The following UNC13D variants were observed in gnomAD, a reference collection of about 807,000 sequenced individuals.
The protein encoded by UNC13D is unc-13 homolog D, also known as protein unc-13 homolog D.
In UNC13D, 115 loss-of-function variants were observed where a neutral mutation model predicts 151.7. That is an observed-to-expected ratio of 0.76 (90% CI 0.65 to 0.88). The LOEUF (loss-of-function observed/expected upper bound fraction) is 0.88. Among genes scored for constraint, UNC13D ranks in the 40% least tolerant of loss-of-function variants. The pLI, the probability that UNC13D is intolerant of heterozygous loss-of-function variation, is 0.00. For synonymous variants in UNC13D, 588 were observed against 612.2 expected (o/e 0.96, Z 0.58); for missense variants, 1,369 against 1,438.7 (o/e 0.95, Z 0.78).
At position 75,840,489 on chromosome 17, in the gene UNC13D, T is replaced by G; in HGVS notation, c.753+18A>C. ...TCCCTCTGCCTCGCTCCTGGGCCCCTTTCCTCATCCTCCTCACCTGCAGCC... is the reference window on the plus strand; with the variant it reads ...TCCCTCTGCCTCGCTCCTGGGCCCCGTTCCTCATCCTCCTCACCTGCAGCC... On this transcript the variant is annotated intron_variant, in intron 9 of 31. Coordinates refer to ENST00000207549, the MANE Select transcript of UNC13D (RefSeq NM_199242.3). This position sits in a 1 kb window ranked among gnomAD's most constrained non-coding sequence, Gnocchi z 4.6. The G allele has an allele frequency of 6.3e-7, 1 of 1,593,818 alleles. No homozygotes were observed.
intron 1 of UNC13D, chr17:75,843,852 G>A (rs992148334): frequency 2.9e-6 from 4 of 1,373,578 alleles, no homozygotes; most frequent in Non-Finnish European, 3.8e-6. Flanking sequence ...CAGCGGAGGT[G>A]AGGGGGGTGC....
Position 75,833,209 on chromosome 17 carries a change from C to T in UNC13D, c.2368-164G>A, listed in dbSNP as rs952624599. ...CCTGCCCACCTCTCTGCCTTCCCCTCTCCGTTGCTCAGCCTGTCCCAGCCA... is the reference window on the plus strand; with the variant it reads ...CCTGCCCACCTCTCTGCCTTCCCCTTTCCGTTGCTCAGCCTGTCCCAGCCA... On this transcript the variant is annotated intron_variant, in intron 24 of 31. Transcript: ENST00000207549. The surrounding 1 kb of genome is among the most constrained non-coding windows in gnomAD (Gnocchi z 4.0). 4.7e-6 allele frequency: 3 copies of T among 636,302 alleles called. No homozygotes were observed. In the African/African-American group the frequency reaches 5.4e-5, roughly 11 times the overall value. The allele number at this position is 636,302 out of a possible 1,614,324, so 39.4% of individuals were successfully genotyped here.
Position 75,827,354 on chromosome 17 carries a change from G to C in UNC13D, c.*611C>G. The C allele has an allele frequency of 1.7e-6, 2 of 1,190,448 alleles. No homozygotes were observed. The highest frequency in any genetic ancestry group is 2.7e-5 in the East Asian group (1 of 36,858). 73.7% of individuals were successfully genotyped at this position (1,190,448 alleles called of 1,614,324 possible). On this transcript the variant is annotated 3_prime_UTR_variant, in exon 32 of 32. Transcript: ENST00000207549. ...CAAACTGTCCTTTCTGCTTCCGTCT[G>C]TCTGTGCCAGCCCTGCCGCCTGCCA... is the stretch of plus-strand genomic sequence containing the variant.
At position 75,840,424 on chromosome 17, in the gene UNC13D, G is replaced by A; in HGVS notation, c.753+83C>T. 1 of 1,608,640 alleles carries A rather than the reference G, an allele frequency of 6.2e-7. No homozygotes were observed. The highest frequency in any genetic ancestry group is 8.5e-7 in the Non-Finnish European group (1 of 1,175,672). On this transcript the variant is annotated intron_variant, in intron 9 of 31. Coordinates refer to ENST00000207549, the MANE Select transcript of UNC13D (RefSeq NM_199242.3). The surrounding 1 kb of genome is among the most constrained non-coding windows in gnomAD (Gnocchi z 4.6). ...AGGTGGACCCCAGGCTCAGCTTTGT[G>A]AGGACACAGAGCCTCTCCCCAGAAC...
Position 75,834,106 on chromosome 17 carries a change from A to G in UNC13D, c.2336T>C (p.Val779Ala). ...VGIAKHIQKL[V>A]GVRESVLPED... ...AGGCAGGACAGACTCCCTGACGCCC[A>G]CCAGTTTCTGGATGTGCTTGGCGAT... The change falls in exon 24 of 32, where the codon GTG becomes GCG. Residue 779 changes from valine (V) to alanine (A), a missense_variant. Val to Ala is a moderately conservative substitution (Grantham distance 64). Around this residue, in one of 3 missense-constraint regions of UNC13D, gnomAD observed 807 missense variants for 795.5 expected, o/e 1.01. Transcript: ENST00000207549. 1 of 1,613,786 alleles carries G rather than the reference A, an allele frequency of 6.2e-7. No individual in the cohort carries two copies. The highest frequency in any genetic ancestry group is 1.7e-5 in the Admixed American group (1 of 60,022).
At position 75,834,540 on chromosome 17, in the gene UNC13D, G is replaced by A. The variant is rs1471072700; in HGVS notation, c.2092-9C>T. On this transcript the variant is annotated splice_polypyrimidine_tract_variant and intron_variant, in intron 22 of 31. Transcript: ENST00000207549. The stretch of plus-strand genomic sequence containing the variant: ...TTCACCACCACACACAGCTGGGACA[G>A]AGATGCAGAGCTTCCTGAACTGTGC... 1.2e-6 allele frequency: 2 copies of A among 1,601,218 alleles called. No individual in the cohort carries two copies. The highest frequency in any genetic ancestry group is 2.7e-5 in the African/African-American group (2 of 74,778).
At position 75,840,904 on chromosome 17, in the gene UNC13D, C is replaced by T. The variant is rs2064943895; in HGVS notation, c.614+53G>A. On this transcript the variant is annotated intron_variant, in intron 7 of 31. Transcript: ENST00000207549. This position sits in a 1 kb window ranked among gnomAD's most constrained non-coding sequence, Gnocchi z 4.6. ...TCTTCCAGGAGGAGGTTCCGCCTCTCTCACCCCAGATCCCTTCCCTTCCCA... is the reference window on the plus strand; with the variant it reads ...TCTTCCAGGAGGAGGTTCCGCCTCTTTCACCCCAGATCCCTTCCCTTCCCA... 1.2e-6 allele frequency: 2 copies of T among 1,614,054 alleles called. No homozygotes were observed. The highest frequency in any genetic ancestry group is 3.3e-5 in the Admixed American group (2 of 59,994).
In UNC13D at chr17:75,844,319, G is replaced by C; in HGVS notation, c.19C>G (p.His7Asp). The C allele has an allele frequency of 6.2e-7, 1 of 1,611,744 alleles. No homozygotes were observed. The highest frequency in any genetic ancestry group is 8.5e-7 in the Non-Finnish European group (1 of 1,179,580). The stretch of plus-strand genomic sequence containing the variant: ...AAGAAGGGAGGGCGCTGCTGCGGAT[G>C]GGAGAGGAGTGTCGCCATGGTGGCC... Reference protein sequence around the residue: MATLLSHPQQRPPFLRQ... With the variant: MATLLSDPQQRPPFLRQ... The change falls in exon 1 of 32, where the codon CAT becomes GAT. Residue 7 changes from histidine to aspartate, a missense_variant. Transcript: ENST00000207549.
At chr17:75,844,063 G>A in intron 1 of UNC13D, 158 bp downstream of exon 1, 1 of 1,458,184 alleles carries the variant, frequency 6.9e-7, no homozygotes, top group Non-Finnish European at 9.2e-7. Context: ...CCCCTGCTCT[G>A]CTGGCCCAGG....
At chr17:75,843,620 G>T in intron 1 of UNC13D, 101 bp from the exon 2 acceptor site, 1 of 1,547,658 alleles carries the variant, frequency 6.5e-7, no homozygotes. Flanking sequence ...AAGGGTATGG[G>T]GGCCCCAGCA....
intron 12 of UNC13D, among the ~76,000 whole-genome samples, chr17:75,839,077 G>T (rs1174437349): frequency 6.6e-6 from 1 of 151,492 alleles, no homozygotes; most frequent in African/African-American, 2.4e-5. Flanking sequence ...TCCGGCCTGG[G>T]CGAAAGAGCA....
chr17:75,828,070 C>T lies in UNC13D; in HGVS notation c.3168G>A (p.Gln1056=). ...YPAPNGDPIL[Q]LLEGRKGDRE... is the part of the protein sequence containing the mutation. ...GGTCACCCTTCCGGCCCTCCAGCAGCTGCAGGATTGGGTCCCCTGCGGAGA... is the reference window on the plus strand; with the variant it reads ...GGTCACCCTTCCGGCCCTCCAGCAGTTGCAGGATTGGGTCCCCTGCGGAGA... Residue 1056 remains glutamine, a synonymous_variant, in exon 32 of 32, where the codon CAG becomes CAA. Coordinates refer to ENST00000207549, the MANE Select transcript of UNC13D (RefSeq NM_199242.3). The T allele has an allele frequency of 6.4e-7, 1 of 1,574,398 alleles. No individual in the cohort carries two copies. Among genetic ancestry groups the T allele is most frequent in the African/African-American group, 1.3e-5 (1 of 74,246 alleles).
chr17:75,830,105 C>T lies in UNC13D; in HGVS notation c.2877G>A (p.Glu959=), dbSNP rs1173260231. Residue 959 remains glutamate (E), a synonymous_variant, in exon 30 of 32, where the codon GAG becomes GAA. Transcript: ENST00000207549. ...FVQLTLEPRH[E]FPELAARETQ... is the part of the protein sequence containing the mutation. ...TCTCCCGGGCGGCCAGCTCAGGGAA[C>T]TCATGCCTGGGCTCCAAGGTCAGCT... is the stretch of plus-strand genomic sequence containing the variant. 6.3e-7 allele frequency: 1 copy of T among 1,585,190 alleles called. No individual in the cohort carries two copies. Among genetic ancestry groups the T allele is most frequent in the South Asian group, 1.2e-5 (1 of 86,720 alleles).
At chr17:75,837,294 G>A (rs1247003380) in intron 12 of UNC13D, among the ~76,000 whole-genome samples, 1 of 150,890 alleles carries the variant, frequency 6.6e-6, no homozygotes, top group Non-Finnish European at 1.5e-5. Context: ...TCGAACACCT[G>A]ACCTCAAGTG....
rs781558629 is a variant in UNC13D, at chr17:75,836,529, C to T, written c.1298+43G>A. 3.1e-6 allele frequency: 5 copies of T among 1,612,950 alleles called. No homozygotes were observed. In the East Asian group the frequency reaches 1.1e-4, roughly 36 times the overall value. On this transcript the variant is annotated intron_variant, in intron 14 of 31. Coordinates refer to ENST00000207549, the MANE Select transcript of UNC13D (RefSeq NM_199242.3). ...CTCCTGCAGGCACCCCAGCTGCTCCCTCATCCCTGACCCCACCGAGGAAGA... is the reference window on the plus strand; with the variant it reads ...CTCCTGCAGGCACCCCAGCTGCTCCTTCATCCCTGACCCCACCGAGGAAGA...
chr17:75,842,585 G>A lies in UNC13D; in HGVS notation c.417C>T (p.Gly139=). The change falls in exon 6 of 32, where the codon GGC becomes GGT. Residue 139 remains glycine, a synonymous_variant. Coordinates refer to ENST00000207549, the MANE Select transcript of UNC13D (RefSeq NM_199242.3). ...SGFSDPYCLL[G]IEQGVGVPGG... ...CTGGCACACCTACCCCCTGCTCAAT[G>A]CCCAGCAGGCAGTAGGGGTCGCTGA... 6.2e-7 allele frequency: 1 copy of A among 1,611,844 alleles called. No individual in the cohort carries two copies. The highest frequency in any genetic ancestry group is 8.5e-7 in the Non-Finnish European group (1 of 1,179,436).
At chr17:75,843,315 C>A in intron 2 of UNC13D, 49 bp from the exon 3 acceptor site, 1 of 1,598,742 alleles carries the variant, frequency 6.3e-7, no homozygotes, top group Non-Finnish European at 8.5e-7. Flanking sequence ...ACCCCTGGCA[C>A]CAACACCTCT....
At position 75,843,488 on chromosome 17, in the gene UNC13D, T is replaced by A; in HGVS notation, c.149A>T (p.Glu50Val). ...IQPPSHHFSPEQRALLYEDAL... is the reference protein window; with the variant it reads ...IQPPSHHFSPVQRALLYEDAL... ...CCCCAGCACTCTGACTCTTACCTGC[T>A]CGGGGGAGAAGTGGTGGGATGGAGG... Residue 50 changes from glutamate (E) to valine (V), a missense_variant, in exon 2 of 32, where the codon GAG (glutamate) becomes GTG (valine). By Grantham distance (121) the Glu-to-Val change is moderately radical (BLOSUM62 -2). Coordinates refer to ENST00000207549, the MANE Select transcript of UNC13D (RefSeq NM_199242.3). 3.1e-6 allele frequency: 5 copies of A among 1,610,240 alleles called. No homozygotes were observed. The African/African-American group carries it at 5.3e-5, about 17-fold the overall frequency.
intron 2 of UNC13D, 90 bp from the exon 3 acceptor site, chr17:75,843,356 A>G: frequency 6.3e-7 from 1 of 1,575,604 alleles, no homozygotes; most frequent in Non-Finnish European, 8.6e-7. Flanking sequence ...CGGCTTGTGC[A>G]GCGGAGGGAG....
Sources: allele counts gnomAD v4.1 joint callset (sites outside exome capture counted in the v4.1 genomes callset), GRCh38; gene constraint gnomAD v4.1.1; regional missense constraint gnomAD v4.1.1; non-coding constraint Gnocchi (gnomAD v3.1); transcripts MANE v1.5; gene names NCBI Gene and HGNC (gene_info 2026-07-23, HGNC 2026-07-21).